GABRG3: variants seen among roughly 807,000 people sequenced by gnomAD.
The protein encoded by GABRG3 is gamma-aminobutyric acid receptor subunit gamma-3.
Under a neutral mutation model 48.8 loss-of-function variants are expected in GABRG3, and 25 were observed. That is an observed-to-expected ratio of 0.51 (90% confidence interval 0.37 to 0.72). The LOEUF (loss-of-function observed/expected upper bound fraction) is 0.72. Among genes scored for constraint, GABRG3 ranks in the 30% least tolerant of loss-of-function variants. The probability of loss-of-function intolerance (pLI) is 0.00; values close to 1 mark genes in which losing one functional copy is unlikely to be tolerated. For synonymous variants in GABRG3, 227 were observed against 217.6 expected, an observed-to-expected ratio of 1.04 and a Z score of -0.38; for missense variants, 394 against 577.9, an observed-to-expected ratio of 0.68 and a Z score of 3.26.
At position 27,540,117 on chromosome 15, in the gene GABRG3, A is replaced by G. The variant is rs1057149979; in HGVS notation, c.*7236A>G. Reference sequence around the variant, plus strand: ...TTTCATTAGAGTTTAAACATTAAGTATACAGATCCTACTCCAAAATTTTGC... The same window carrying G: ...TTTCATTAGAGTTTAAACATTAAGTGTACAGATCCTACTCCAAAATTTTGC... On this transcript the variant is annotated 3_prime_UTR_variant, in exon 10 of 10. Coordinates refer to ENST00000615808, the MANE Select transcript of GABRG3 (RefSeq NM_033223.5). 5.3e-5 allele frequency: 8 copies of G among 152,234 alleles called. No homozygotes were observed. The highest frequency in any genetic ancestry group is 1.0e-4 in the Non-Finnish European group (7 of 68,042). 9.4% of individuals were successfully genotyped at this position (152,234 alleles called of 1,614,324 possible). A position where few individuals can be genotyped will look rare whatever the true frequency, so the allele number is the denominator to read the frequency against.
chr15:27,038,740 G>A (rs748730730), intron 3 of GABRG3, among the ~76,000 whole-genome samples: 1 of 152,138 alleles, frequency 6.6e-6, no homozygotes, highest in African/African-American at 2.4e-5. Flanking sequence ...AGGGAGCCCC[G>A]CCCCAGAAAG....
At chr15:27,491,666 C>A (rs914444833) in intron 6 of GABRG3, among the ~76,000 whole-genome samples, 1 of 152,026 alleles carries the variant, frequency 6.6e-6, no homozygotes, top group African/African-American at 2.4e-5. Context: ...AGTATGAGGA[C>A]AATAAAATGT....
Position 27,319,524 on chromosome 15 carries a change from T to C in GABRG3, c.271-7285T>C, listed in dbSNP as rs944947892. Reference sequence around the variant, plus strand: ...CAGTTGAAGACATAGAGTGTTAACATAAGGAGAAAAAATAGTGAGTAATAC... The same window carrying C: ...CAGTTGAAGACATAGAGTGTTAACACAAGGAGAAAAAATAGTGAGTAATAC... On this transcript the variant is annotated intron_variant, in intron 3 of 9. Transcript: ENST00000615808. This position sits in a 1 kb window ranked among gnomAD's most constrained non-coding sequence, Gnocchi z 4.4. 6.6e-6 allele frequency among the ~76,000 whole-genome samples: 1 copy of C among 152,006 alleles called. No individual in the cohort carries two copies. The highest frequency in any genetic ancestry group is 2.1e-4 in the South Asian group (1 of 4,820).
At chr15:27,092,839 A>G (rs1897212065) in intron 3 of GABRG3, among the ~76,000 whole-genome samples, 1 of 152,054 alleles carries the variant, frequency 6.6e-6, no homozygotes, top group South Asian at 2.1e-4. Context: ...TCTCCCTCCC[A>G]GAAGAGTGTC....
chr15:27,053,992 C>T (rs934595133), intron 3 of GABRG3, among the ~76,000 whole-genome samples: 22 of 152,138 alleles, frequency 1.4e-4, no homozygotes, highest in Admixed American at 3.3e-4. Context: ...CCGGGTGTGG[C>T]GGCTCACGCC....
chr15:27,012,274 C>T (rs569906816), intron 2 of GABRG3, among the ~76,000 whole-genome samples: 1 of 152,216 alleles, frequency 6.6e-6, no homozygotes, highest in South Asian at 2.1e-4. Context: ...AGGTGTCAGC[C>T]ATGATCTTAA....
intron 8 of GABRG3, 49 bp from the exon 9 acceptor site, chr15:27,527,884 G>C (rs1595812960): frequency 1.4e-6 from 2 of 1,411,590 alleles, no homozygotes; most frequent in Non-Finnish European, 2.0e-6. Context: ...GATCTTGGAT[G>C]CAAATGTTCA....
chr15:27,099,426 A>G (rs908910002), intron 3 of GABRG3, among the ~76,000 whole-genome samples: 1 of 152,052 alleles, frequency 6.6e-6, no homozygotes, highest in African/African-American at 2.4e-5. Context: ...GTGTCTTCGC[A>G]TGGTTTCCCC....
chr15:27,124,251 A>T (rs923279340), intron 3 of GABRG3, among the ~76,000 whole-genome samples: 1 of 152,220 alleles, frequency 6.6e-6, no homozygotes, highest in Non-Finnish European at 1.5e-5. Context: ...GAAGGGGATC[A>T]TTGGAACAAC....
intron 2 of GABRG3, among the ~76,000 whole-genome samples, chr15:26,998,836 C>T (rs1178422595): frequency 6.6e-6 from 1 of 152,122 alleles, no homozygotes; most frequent in Non-Finnish European, 1.5e-5. Context: ...TCTCATTGTC[C>T]TCACAATGAT....
intron 5 of GABRG3, chr15:27,365,672 C>A (rs1895172219): frequency 6.6e-6 from 1 of 152,060 alleles, no homozygotes; most frequent in South Asian, 2.1e-4. Flanking sequence ...GCCCAGTTTC[C>A]CCACTACCAT....
At chr15:27,117,055 A>G (rs1290740876) in intron 3 of GABRG3, among the ~76,000 whole-genome samples, 3 of 152,224 alleles carry the variant, frequency 2.0e-5, no homozygotes, top group Admixed American at 1.3e-4. Context: ...GGTAGGTTCT[A>G]TTACTGTCCT....
chr15:27,269,174 T>A (rs1231323113), intron 3 of GABRG3, among the ~76,000 whole-genome samples: 1 of 152,158 alleles, frequency 6.6e-6, no homozygotes, highest in African/African-American at 2.4e-5. Context: ...CCCTAACCAA[T>A]CTGTCATCCT....
At chr15:27,316,695 A>G (rs918667513) in intron 3 of GABRG3, among the ~76,000 whole-genome samples, 7 of 152,204 alleles carry the variant, frequency 4.6e-5, no homozygotes, top group Non-Finnish European at 7.3e-5. Context: ...CGTTCGTTTT[A>G]GGTGGATGGA....
chr15:27,457,930 G>A lies in GABRG3; in HGVS notation c.575-22720G>A, dbSNP rs972449203. On this transcript the variant is annotated intron_variant, in intron 5 of 9. Coordinates refer to ENST00000615808, the MANE Select transcript of GABRG3 (RefSeq NM_033223.5). This position sits in a 1 kb window ranked among gnomAD's most constrained non-coding sequence, Gnocchi z 4.4. Reference sequence around the variant, plus strand: ...AGGCTCCAGGGCTTTGGGGTCTCTCGTGGGACCTTATTGATGTAGCTGAAA... The same window carrying A: ...AGGCTCCAGGGCTTTGGGGTCTCTCATGGGACCTTATTGATGTAGCTGAAA... Among the ~76,000 whole-genome samples the A allele has an allele frequency of 1.3e-5, 2 of 152,148 alleles. No homozygotes were observed. Among genetic ancestry groups the A allele is most frequent in the Admixed American group, 6.5e-5 (1 of 15,284 alleles).
intron 6 of GABRG3, among the ~76,000 whole-genome samples, chr15:27,482,286 A>T (rs1436924082): frequency 6.6e-6 from 1 of 152,192 alleles, no homozygotes. Flanking sequence ...GATAATAAAA[A>T]AATTCCCATT....
At chr15:27,252,493 T>A (rs1890491083) in intron 3 of GABRG3, among the ~76,000 whole-genome samples, 1 of 152,194 alleles carries the variant, frequency 6.6e-6, no homozygotes, top group South Asian at 2.1e-4. Flanking sequence ...TCCAGGTCGG[T>A]CAGAACATGA....
At position 27,281,933 on chromosome 15, in the gene GABRG3, C is replaced by T. The variant is rs183303571; in HGVS notation, c.271-44876C>T. ...ATTAAGCTGGCAAGAAATTTTCTCA[C>T]TATTCCTTCATTTGCAAATGTTTTG... On this transcript the variant is annotated intron_variant, in intron 3 of 9. Coordinates refer to ENST00000615808, the MANE Select transcript of GABRG3 (RefSeq NM_033223.5). Among the ~76,000 whole-genome samples the T allele has an allele frequency of 3.3e-3, 505 of 152,200 alleles. 3 individuals carry two copies. In the Middle Eastern group the frequency reaches 0.038, roughly 11 times the overall value.
chr15:27,416,869 T>A (rs1887954796), intron 5 of GABRG3, among the ~76,000 whole-genome samples: 1 of 152,252 alleles, frequency 6.6e-6, no homozygotes, highest in Non-Finnish European at 1.5e-5. Context: ...CTCAGCTTTT[T>A]ACCTGTTTTT....
Sources: allele counts gnomAD v4.1 joint callset (sites outside exome capture counted in the v4.1 genomes callset), GRCh38; gene constraint gnomAD v4.1.1; non-coding constraint Gnocchi (gnomAD v3.1); transcripts MANE v1.5; gene names NCBI Gene and HGNC (gene_info 2026-07-23, HGNC 2026-07-21).